HEATR5B: variants seen among roughly 807,000 people sequenced by gnomAD.
The protein encoded by HEATR5B is HEAT repeat-containing protein 5B.
HEATR5B carries 156 observed loss-of-function variants against 224.1 expected under a neutral mutation model. The observed-to-expected ratio is 0.70, with a 90% CI of 0.61 to 0.80. The LOEUF (loss-of-function observed/expected upper bound fraction) is 0.80, where lower values mean the gene tolerates loss of function less well. Ranked by LOEUF, HEATR5B falls within the 30% of genes least tolerant of loss-of-function variation. The pLI is 0.00. For synonymous variants in HEATR5B, 1,027 were observed against 893.0 expected, an observed-to-expected ratio of 1.15 and a Z score of -2.68; for missense variants, 2,323 against 2,535.5, an observed-to-expected ratio of 0.92 and a Z score of 1.80.
intron 12 of HEATR5B, among the ~76,000 whole-genome samples, chr2:37,059,444 GTGTATA>G (rs1319028042): frequency 2.1e-3 from 112 of 52,578 alleles, no homozygotes; most frequent in South Asian, 0.011. Flanking sequence ...GTGTGTGTGT[GTGTATA>G]TATATATATA....
chr2:37,060,372 A>T (rs538293504), intron 12 of HEATR5B, among the ~76,000 whole-genome samples: 142 of 152,266 alleles, frequency 9.3e-4, no homozygotes, highest in African/African-American at 3.3e-3. Context: ...ACCAGGTCTA[A>T]ACACTTTTTC....
intron 16 of HEATR5B, among the ~76,000 whole-genome samples, chr2:37,054,722 A>G (rs1335774834): frequency 6.6e-6 from 1 of 152,100 alleles, no homozygotes; most frequent in Non-Finnish European, 1.5e-5. Flanking sequence ...ACCTCAGGTG[A>G]TCTGCCCACC....
chr2:37,004,903 G>T (rs1193765396), intron 30 of HEATR5B, among the ~76,000 whole-genome samples: 1 of 152,100 alleles, frequency 6.6e-6, no homozygotes, highest in East Asian at 1.9e-4. Context: ...AAAAGCCTCA[G>T]AACTGGCCTC....
At position 37,025,788 on chromosome 2, in the gene HEATR5B, C is replaced by T. The variant is rs376696782; in HGVS notation, c.3853+2135G>A. Among the ~76,000 whole-genome samples the T allele has an allele frequency of 4.5e-4, 68 of 152,236 alleles. 1 individual carries two copies. The South Asian group carries it at 0.014, about 32-fold the overall frequency. ...GGTCAACCTAAGGATTTTCACTATTCCCTAAATGTAGTATGCACACTTATG... is the reference window on the plus strand; with the variant it reads ...GGTCAACCTAAGGATTTTCACTATTTCCTAAATGTAGTATGCACACTTATG... On this transcript the variant is annotated intron_variant, in intron 24 of 35. Transcript: ENST00000233099.
chr2:37,041,644 G>A (rs1379104787), intron 18 of HEATR5B, among the ~76,000 whole-genome samples: 1 of 152,112 alleles, frequency 6.6e-6, no homozygotes, highest in Non-Finnish European at 1.5e-5. Context: ...TAGTAGGGAG[G>A]CTGAAGTGAG....
chr2:37,032,857 C>T, intron 21 of HEATR5B, 84 bp from the exon 22 acceptor site: 5 of 994,938 alleles, frequency 5.0e-6, no homozygotes, highest in African/African-American at 1.7e-5. Flanking sequence ...TATATATATA[C>T]ATACATACAT....
At chr2:36,992,899 A>T (rs1053397618) in intron 33 of HEATR5B, among the ~76,000 whole-genome samples, 1 of 151,764 alleles carries the variant, frequency 6.6e-6, no homozygotes, top group African/African-American at 2.4e-5. Context: ...TGAATTTAAA[A>T]ATTTTTTATA....
intron 21 of HEATR5B, among the ~76,000 whole-genome samples, chr2:37,034,160 C>T (rs528232147): frequency 5.8e-4 from 88 of 151,596 alleles, no homozygotes; most frequent in Admixed American, 1.5e-3. Flanking sequence ...GTGCCCGCCA[C>T]CACGCCCGGC....
At chr2:37,016,344 C>T (rs1045239429) in intron 26 of HEATR5B, among the ~76,000 whole-genome samples, 1 of 152,108 alleles carries the variant, frequency 6.6e-6, no homozygotes, top group African/African-American at 2.4e-5. Context: ...ATCTCCTGAC[C>T]TCGTGATCTG....
At chr2:37,022,465 C>A (rs1668524364) in intron 24 of HEATR5B, among the ~76,000 whole-genome samples, 1 of 152,200 alleles carries the variant, frequency 6.6e-6, no homozygotes, top group Non-Finnish European at 1.5e-5. Context: ...GCGTGAGCCA[C>A]CATGCCTGGG....
At chr2:37,026,786 T>G (rs962225489) in intron 24 of HEATR5B, among the ~76,000 whole-genome samples, 2 of 152,214 alleles carry the variant, frequency 1.3e-5, no homozygotes, top group Admixed American at 6.5e-5. Context: ...TTATACATGT[T>G]GTACTACTGT....
At chr2:37,083,831 T>C (rs1672787795) in intron 1 of HEATR5B, among the ~76,000 whole-genome samples, 1 of 152,180 alleles carries the variant, frequency 6.6e-6, no homozygotes, top group Admixed American at 6.5e-5. Flanking sequence ...GTTCGGTACA[T>C]AGCACCTTTA....
intron 12 of HEATR5B, among the ~76,000 whole-genome samples, chr2:37,060,103 C>T (rs531357518): frequency 7.9e-5 from 12 of 152,064 alleles, no homozygotes; most frequent in Non-Finnish European, 1.3e-4. Context: ...CAACTGTATC[C>T]GTTATTTTTG....
chr2:36,998,622 A>G (rs1666882403), intron 33 of HEATR5B, among the ~76,000 whole-genome samples: 1 of 152,204 alleles, frequency 6.6e-6, no homozygotes, highest in South Asian at 2.1e-4. Context: ...GGGATAAATT[A>G]GAAACAACAA....
At position 37,038,947 on chromosome 2, in the gene HEATR5B, T is replaced by G. The variant is rs140522477; in HGVS notation, c.3047-923A>C. ...ATCACATATTTTTCAATTTCTAGCATTTTCTTTAAGTCTTTTTCTTTTTCC... is the reference window on the plus strand; with the variant it reads ...ATCACATATTTTTCAATTTCTAGCAGTTTCTTTAAGTCTTTTTCTTTTTCC... On this transcript the variant is annotated intron_variant, in intron 20 of 35. Transcript: ENST00000233099. Among the ~76,000 whole-genome samples, 22 of 149,996 alleles carry G rather than the reference T, an allele frequency of 1.5e-4. No homozygotes were observed. In the East Asian group the frequency reaches 3.9e-3, roughly 26 times the overall value.
At chr2:37,018,572 G>A (rs1327896071) in intron 26 of HEATR5B, among the ~76,000 whole-genome samples, 1 of 152,154 alleles carries the variant, frequency 6.6e-6, no homozygotes, top group African/African-American at 2.4e-5. Flanking sequence ...AAAAATGGAA[G>A]GAAGGGGCAA....
intron 2 of HEATR5B, among the ~76,000 whole-genome samples, chr2:37,082,326 C>G (rs1386292448): frequency 6.6e-6 from 1 of 151,942 alleles, no homozygotes; most frequent in Non-Finnish European, 1.5e-5. Flanking sequence ...GTGATCCACC[C>G]ACCTCAGCTT....
At chr2:37,026,478 C>T (rs1668781098) in intron 24 of HEATR5B, among the ~76,000 whole-genome samples, 1 of 152,180 alleles carries the variant, frequency 6.6e-6, no homozygotes, top group African/African-American at 2.4e-5. Flanking sequence ...ATAACCTCTT[C>T]TGTGACGTCT....
chr2:37,066,263 G>A (rs1468268070), intron 8 of HEATR5B, among the ~76,000 whole-genome samples: 2 of 152,324 alleles, frequency 1.3e-5, no homozygotes, highest in African/African-American at 4.8e-5. Context: ...GTGACATTGA[G>A]CAAGATGTTC....
Sources: gnomAD v4.1 joint callset for allele counts (sites outside exome capture counted in the v4.1 genomes callset) on GRCh38, gnomAD v4.1.1 for gene constraint, MANE v1.5 for transcripts, NCBI Gene and HGNC (gene_info 2026-07-23, HGNC 2026-07-21) for gene names.